COX10: variants seen among roughly 807,000 people sequenced by gnomAD.
The protein encoded by COX10 is cytochrome c oxidase assembly factor heme A:farnesyltransferase COX10.
COX10 carries 27 observed loss-of-function variants against 37.3 expected under a neutral mutation model. The ratio of observed to expected loss-of-function variants is 0.72; its 90% CI spans 0.53 to 1.00. COX10 has a LOEUF of 1.00. Among genes scored for constraint, COX10 ranks in the 50% least tolerant of loss-of-function variants. The pLI is 0.00. For missense variants in COX10, 475 were observed against 563.2 expected (o/e 0.84, Z 1.59); for synonymous variants, 222 against 229.1 (o/e 0.97, Z 0.28).
intron 4 of COX10, among the ~76,000 whole-genome samples, chr17:14,152,652 G>A (rs1904937766): frequency 6.6e-6 from 1 of 152,206 alleles, no homozygotes; most frequent in Admixed American, 6.5e-5. Context: ...GGAAGTAGAA[G>A]AGAGCAAGAA....
At chr17:14,096,489 C>G (rs1915658236) in intron 3 of COX10, among the ~76,000 whole-genome samples, 1 of 150,992 alleles carries the variant, frequency 6.6e-6, no homozygotes, top group Non-Finnish European at 1.5e-5. Context: ...ATCCTCCCAC[C>G]TCAGTCTCTC....
intron 4 of COX10, among the ~76,000 whole-genome samples, chr17:14,139,644 G>A (rs1455966356): frequency 6.6e-6 from 1 of 152,098 alleles, no homozygotes; most frequent in African/African-American, 2.4e-5. Context: ...GCGAGCTTAG[G>A]TGTTTCATTC....
intron 3 of COX10, among the ~76,000 whole-genome samples, chr17:14,093,740 A>G (rs375866386): frequency 2.6e-4 from 40 of 152,336 alleles, no homozygotes; most frequent in African/African-American, 9.4e-4. Flanking sequence ...AAGAAGCGTC[A>G]TCATGGATCC....
chr17:14,207,162 C>T lies in COX10; in HGVS notation c.1281C>T (p.Leu427=), dbSNP rs201423560. The T allele has an allele frequency of 9.9e-6, 16 of 1,611,674 alleles. No individual in the cohort carries two copies. Among genetic ancestry groups the T allele is most frequent in the East Asian group, 6.7e-5 (3 of 44,856 alleles). ...TGCCGCTGCTGCTGCTGCTCATGCT[C>T]ACCTGCAAGCGGCCGAGCGGAGGCG... ...WHLPLLLLLM[L]TCKRPSGGGD... is the part of the protein sequence containing the mutation. The change falls in exon 7 of 7, where the codon CTC becomes CTT. Residue 427 remains leucine (L), a synonymous_variant. Transcript: ENST00000261643.
At chr17:14,162,104 A>G (rs1905182436) in intron 5 of COX10, among the ~76,000 whole-genome samples, 1 of 152,228 alleles carries the variant, frequency 6.6e-6, no homozygotes, top group Non-Finnish European at 1.5e-5. Flanking sequence ...CCTAATGGTG[A>G]AAGATAAAAA....
intron 6 of COX10, 109 bp from the exon 7 acceptor site, chr17:14,206,701 C>A: frequency 1.4e-6 from 2 of 1,384,346 alleles, no homozygotes; most frequent in South Asian, 1.2e-5. Flanking sequence ...CACAGGGTGG[C>A]AGAGCTTCTG....
intron 5 of COX10, chr17:14,182,087 C>T (rs2530374): frequency 4.1e-6 from 4 of 981,592 alleles, no homozygotes; most frequent in South Asian, 4.7e-5. Flanking sequence ...ACTCATTCAG[C>T]GTAGATCTGG....
intron 6 of COX10, among the ~76,000 whole-genome samples, chr17:14,202,992 C>T (rs780318556): frequency 2.0e-5 from 3 of 152,136 alleles, no homozygotes; most frequent in Admixed American, 2.0e-4. Flanking sequence ...ACCCGCATTG[C>T]ATTACCCTGT....
At chr17:14,137,161 G>A (rs1348669537) in intron 4 of COX10, among the ~76,000 whole-genome samples, 2 of 151,676 alleles carry the variant, frequency 1.3e-5, no homozygotes, top group Admixed American at 1.3e-4. Flanking sequence ...AATTTTAGAA[G>A]TATAATTTAA....
chr17:14,069,569 AC>A lies in COX10; in HGVS notation c.-36del. ...CCAGCGTCCCGTGAGGAGAGAGGAC[AC>A]AGGGATCCCGGGGAGCGGCCCCAGA... On this transcript the variant is annotated 5_prime_UTR_variant, in exon 1 of 7. Coordinates refer to ENST00000261643, the MANE Select transcript of COX10 (RefSeq NM_001303.4). The A allele has an allele frequency of 6.2e-7, 1 of 1,611,100 alleles. No homozygotes were observed. Among genetic ancestry groups the A allele is most frequent in the Non-Finnish European group, 8.5e-7 (1 of 1,177,780 alleles).
chr17:14,160,043 T>C, intron 5 of COX10, 96 bp downstream of exon 5: 1 of 1,115,490 alleles, frequency 9.0e-7, no homozygotes, highest in African/African-American at 1.5e-5. Context: ...AGCTGCGAAG[T>C]GGAAATAAAA....
rs2529633 is a variant in COX10, at chr17:14,188,032, G to A, written c.696-3957G>A. 5.3e-3 allele frequency among the ~76,000 whole-genome samples: 805 copies of A among 151,338 alleles called. 8 individuals are homozygous for A. The highest frequency in any genetic ancestry group is 0.019 in the African/African-American group (768 of 41,218). ...GTGTGCTCTTCTAAAAGGGCTTTTC[G>A]TAACACTAATGTCTCTGAATCCAAC... On this transcript the variant is annotated intron_variant, in intron 5 of 6. Transcript: ENST00000261643.
chr17:14,092,846 A>G (rs978872830), intron 3 of COX10, among the ~76,000 whole-genome samples: 6 of 152,220 alleles, frequency 3.9e-5, no homozygotes, highest in Admixed American at 2.6e-4. Flanking sequence ...ATTAAGTTAT[A>G]TAATTTTGAC....
intron 3 of COX10, among the ~76,000 whole-genome samples, chr17:14,085,729 G>A (rs763003898): frequency 6.6e-6 from 1 of 152,090 alleles, no homozygotes; most frequent in African/African-American, 2.4e-5. Context: ...GAGGATAAAT[G>A]TATAGAAGTG....
intron 3 of COX10, among the ~76,000 whole-genome samples, chr17:14,092,383 C>T (rs140025584): frequency 6.6e-6 from 1 of 152,158 alleles, no homozygotes; most frequent in Non-Finnish European, 1.5e-5. Context: ...GTCTAACTTT[C>T]ATCATTAATT....
At chr17:14,125,391 C>T (rs534742701) in intron 4 of COX10, among the ~76,000 whole-genome samples, 14 of 152,218 alleles carry the variant, frequency 9.2e-5, no homozygotes, top group Admixed American at 2.0e-4. Flanking sequence ...GTTGAATTAG[C>T]CTTGTATTAA....
At chr17:14,175,845 C>T (rs1019846488) in intron 5 of COX10, among the ~76,000 whole-genome samples, 1 of 150,688 alleles carries the variant, frequency 6.6e-6, no homozygotes, top group Admixed American at 6.6e-5. Flanking sequence ...TCTGGGGGAA[C>T]GTACGGTGGC....
At chr17:14,105,621 T>G (rs924499581) in intron 4 of COX10, among the ~76,000 whole-genome samples, 6 of 152,176 alleles carry the variant, frequency 3.9e-5, no homozygotes, top group Non-Finnish European at 5.9e-5. Context: ...AAGGCAACAT[T>G]TAAAACATGT....
intron 6 of COX10, among the ~76,000 whole-genome samples, chr17:14,206,369 G>T (rs1906699707): frequency 6.6e-6 from 1 of 152,184 alleles, no homozygotes. Context: ...CAGCACAATG[G>T]TTGCACCCAG....
Sources: gnomAD v4.1 joint callset for allele counts (sites outside exome capture counted in the v4.1 genomes callset) on GRCh38, gnomAD v4.1.1 for gene constraint, MANE v1.5 for transcripts, NCBI Gene and HGNC (gene_info 2026-07-23, HGNC 2026-07-21) for gene names.